Variants in MYH15 observed in about 807,000 individuals in gnomAD.
MYH15 encodes myosin-15.
A neutral mutation model predicts 240.5 loss-of-function variants in MYH15; 227 were observed. The ratio of observed to expected loss-of-function variants is 0.94; its 90% confidence interval spans 0.85 to 1.05. The LOEUF (loss-of-function observed/expected upper bound fraction) is 1.05, where lower values mean the gene tolerates loss of function less well. MYH15 is among the 50% of genes least tolerant of loss of function. The pLI, the probability that MYH15 is intolerant of heterozygous loss-of-function variation, is 0.00. For synonymous variants in MYH15, 785 were observed against 796.7 expected, an observed-to-expected ratio of 0.99 and a Z score of 0.25; for missense variants, 2,217 against 2,247.5, an observed-to-expected ratio of 0.99 and a Z score of 0.27.
intron 1 of MYH15, among the ~76,000 whole-genome samples, chr3:108,507,993 G>A (rs2083491257): frequency 6.6e-6 from 1 of 152,130 alleles, no homozygotes; most frequent in South Asian, 2.1e-4. Flanking sequence ...CTCTCCCTCT[G>A]TCTCTCTTTC....
At chr3:108,530,792 T>G (rs190006347), upstream of MYH15, among the ~76,000 whole-genome samples, 1 of 152,002 alleles carries the variant, frequency 6.6e-6, no homozygotes, top group African/African-American at 2.4e-5. Flanking sequence ...ACAGCTTAAA[T>G]GAGAAGAAAA....
At chr3:108,462,526 C>G (rs1364925243) in intron 16 of MYH15, among the ~76,000 whole-genome samples, 1 of 152,010 alleles carries the variant, frequency 6.6e-6, no homozygotes, top group Non-Finnish European at 1.5e-5. Flanking sequence ...CAGGAACATT[C>G]TGTATATATC....
chr3:108,396,285 C>T (rs1224029458), intron 35 of MYH15, among the ~76,000 whole-genome samples: 3 of 152,210 alleles, frequency 2.0e-5, no homozygotes, highest in Admixed American at 6.5e-5. Flanking sequence ...TATAGACCAG[C>T]GGTCCCCAAC....
At chr3:108,473,260 C>T (rs2083192453) in intron 12 of MYH15, among the ~76,000 whole-genome samples, 1 of 152,188 alleles carries the variant, frequency 6.6e-6, no homozygotes, top group Non-Finnish European at 1.5e-5. Context: ...CCACCCGCCT[C>T]GGCCTCCCAA....
At position 108,439,927 on chromosome 3, in the gene MYH15, A is replaced by G; in HGVS notation, c.2899-14T>C. Reference sequence around the variant, plus strand: ...CAAGTTCTTGACCTGTGGGAAGAAGATGACAGCTTCATTAAAGCCACTGCT... The same window carrying G: ...CAAGTTCTTGACCTGTGGGAAGAAGGTGACAGCTTCATTAAAGCCACTGCT... On this transcript the variant is annotated splice_polypyrimidine_tract_variant and intron_variant, in intron 23 of 40. Coordinates refer to ENST00000693548, the MANE Select transcript of MYH15 (RefSeq NM_014981.3). 6.5e-7 allele frequency: 1 copy of G among 1,546,940 alleles called. No individual in the cohort carries two copies. Among genetic ancestry groups the G allele is most frequent in the Non-Finnish European group, 8.7e-7 (1 of 1,146,746 alleles).
At chr3:108,538,128 C>T in the MYH15 span, among the ~76,000 whole-genome samples, 2 of 152,168 alleles carry the variant, frequency 1.3e-5, no homozygotes, top group African/African-American at 2.4e-5. Flanking sequence ...TCCTGTGTTT[C>T]GGGCATTCTT....
intron 27 of MYH15, among the ~76,000 whole-genome samples, chr3:108,426,522 T>C (rs1361910678): frequency 1.3e-5 from 2 of 152,212 alleles, no homozygotes; most frequent in African/African-American, 4.8e-5. Flanking sequence ...GTCACCACTC[T>C]GGAAGGCACA....
At chr3:108,387,742 G>A (rs1227423807) in intron 38 of MYH15, among the ~76,000 whole-genome samples, 3 of 152,136 alleles carry the variant, frequency 2.0e-5, no homozygotes, top group African/African-American at 7.2e-5. Context: ...CACATACCAT[G>A]GGCCCACTTC....
At position 108,439,774 on chromosome 3, in the gene MYH15, C is replaced by T; in HGVS notation, c.3038G>A (p.Ser1013Asn). 1 of 1,610,404 alleles carries T rather than the reference C, an allele frequency of 6.2e-7. No individual in the cohort carries two copies. Among genetic ancestry groups the T allele is most frequent in the Non-Finnish European group, 8.5e-7 (1 of 1,178,600 alleles). ...HMEEEKLSSL[S>N]KANLKLEQQV... is the part of the protein sequence containing the mutation. The stretch of plus-strand genomic sequence containing the variant: ...CTGTTCCAGCTTCAGATTTGCTTTG[C>T]TCAGGCTGCTGAGCTTCTCCTCCTC... Residue 1013 changes from serine to asparagine, a missense_variant, in exon 24 of 41, where the codon AGC becomes AAC. By Grantham distance (46) the Ser-to-Asn change is conservative. Coordinates refer to ENST00000693548, the MANE Select transcript of MYH15 (RefSeq NM_014981.3).
intron 1 of MYH15, among the ~76,000 whole-genome samples, chr3:108,527,806 C>G (rs1399609007): frequency 6.6e-6 from 1 of 152,164 alleles, no homozygotes; most frequent in Non-Finnish European, 1.5e-5. Context: ...TTTATTCTCT[C>G]TGGGCTATAG....
At chr3:108,443,765 T>C (rs2082903277) in intron 22 of MYH15, among the ~76,000 whole-genome samples, 1 of 152,068 alleles carries the variant, frequency 6.6e-6, no homozygotes, top group Non-Finnish European at 1.5e-5. Context: ...CAATGGTTCT[T>C]AATCTGGACT....
At chr3:108,527,068 G>C (rs749222940) in intron 1 of MYH15, among the ~76,000 whole-genome samples, 2 of 152,112 alleles carry the variant, frequency 1.3e-5, no homozygotes, top group Non-Finnish European at 2.9e-5. Context: ...TAGAGGGTTT[G>C]TTAAAACGCA....
chr3:108,416,882 A>G lies in MYH15; in HGVS notation c.3878T>C (p.Leu1293Pro). The change falls in exon 29 of 41, where the codon CTT (leucine) becomes CCT (proline). Residue 1293 changes from leucine to proline, a missense_variant. Coordinates refer to ENST00000693548, the MANE Select transcript of MYH15 (RefSeq NM_014981.3). ...LEEKEALINQ[L>P]SREKSNFTRQ... The stretch of plus-strand genomic sequence containing the variant: ...AGTGAAGTTGCTCTTTTCCCTGGAA[A>G]GTTGGTTTATCAGAGCCTCCTTCTC... 6.2e-7 allele frequency: 1 copy of G among 1,614,070 alleles called. No homozygotes were observed. The highest frequency in any genetic ancestry group is 8.5e-7 in the Non-Finnish European group (1 of 1,179,974).
rs1391466852 is a variant in MYH15, at chr3:108,428,042, A to G, written c.3702+450T>C. Among the ~76,000 whole-genome samples, 8 of 152,364 alleles carry G rather than the reference A, an allele frequency of 5.3e-5. No homozygotes were observed. In the East Asian group the frequency reaches 1.5e-3, roughly 29 times the overall value. ...TTCTTATAGTACTGGCTGATTAAAA[A>G]GATGCCAGAGGACTTGAGGGAGAAA... On this transcript the variant is annotated intron_variant, in intron 27 of 40. Coordinates refer to ENST00000693548, the MANE Select transcript of MYH15 (RefSeq NM_014981.3).
intron 2 of MYH15, 79 bp from the exon 3 acceptor site, chr3:108,501,934 T>C: frequency 6.7e-7 from 1 of 1,486,070 alleles, no homozygotes; most frequent in Non-Finnish European, 9.3e-7. Flanking sequence ...AGAAAGAATA[T>C]TCAGACTCAA....
At chr3:108,410,305 A>G (rs2082578842) in intron 31 of MYH15, among the ~76,000 whole-genome samples, 1 of 152,212 alleles carries the variant, frequency 6.6e-6, no homozygotes, top group African/African-American at 2.4e-5. Flanking sequence ...GCACACATGG[A>G]AAATCTTGGT....
Position 108,441,002 on chromosome 3 carries a change from A to G in MYH15, c.2898+16T>C, listed in dbSNP as rs2082879948. 2.5e-6 allele frequency: 4 copies of G among 1,612,830 alleles called. No individual in the cohort carries two copies. The South Asian group carries it at 3.3e-5, about 13-fold the overall frequency. On this transcript the variant is annotated intron_variant, in intron 23 of 40. Coordinates refer to ENST00000693548, the MANE Select transcript of MYH15 (RefSeq NM_014981.3). ...TGGCTGCTAGGCCTTCTTAACTAAC[A>G]TTATGGAAAAAGTACCTTGTGCTCT... is the stretch of plus-strand genomic sequence containing the variant.
At chr3:108,422,561 T>C (rs1434597179) in intron 27 of MYH15, among the ~76,000 whole-genome samples, 3 of 152,182 alleles carry the variant, frequency 2.0e-5, no homozygotes, top group Non-Finnish European at 2.9e-5. Flanking sequence ...TTAATGATAA[T>C]AGCAGCAGCA....
chr3:108,403,035 C>G (rs531624703), intron 33 of MYH15, among the ~76,000 whole-genome samples: 10 of 152,318 alleles, frequency 6.6e-5, no homozygotes, highest in African/African-American at 2.4e-4. Flanking sequence ...ATGGAATACC[C>G]TATCATCCAA....
Sources: gnomAD v4.1 joint callset for allele counts (sites outside exome capture counted in the v4.1 genomes callset) on GRCh38, gnomAD v4.1.1 for gene constraint, MANE v1.5 for transcripts, NCBI Gene and HGNC (gene_info 2026-07-23, HGNC 2026-07-21) for gene names.